The following GPC6 variants were observed in gnomAD, a reference collection of about 807,000 sequenced individuals.
The protein encoded by GPC6 is glypican 6, also known as glypican-6.
Under a neutral mutation model 55.2 loss-of-function variants are expected in GPC6, and 14 were observed. The observed-to-expected ratio is 0.25, with a 90% CI of 0.17 to 0.40. The LOEUF is 0.40. GPC6 is among the 10% of genes least tolerant of loss of function. The pLI is 1.00. For missense variants in GPC6, 641 were observed against 708.5 expected, an observed-to-expected ratio of 0.90 and a Z score of 1.08; for synonymous variants, 278 against 259.6, an observed-to-expected ratio of 1.07 and a Z score of -0.68.
At chr13:93,786,752 G>A (rs931368037) in intron 2 of GPC6, among the ~76,000 whole-genome samples, 1 of 135,526 alleles carries the variant, frequency 7.4e-6, no homozygotes, top group African/African-American at 3.0e-5. Context: ...GAGTATATTT[G>A]AACAAAAAAT....
At chr13:94,045,745 C>CAA (rs541767325) in intron 4 of GPC6, among the ~76,000 whole-genome samples, 110 of 116,196 alleles carry the variant, frequency 9.5e-4, no homozygotes, top group Admixed American at 1.6e-3. Flanking sequence ...CATGGATTTT[C>CAA]AAAAAAAAAA....
At chr13:93,262,831 T>C (rs1877196656) in intron 1 of GPC6, among the ~76,000 whole-genome samples, 1 of 152,100 alleles carries the variant, frequency 6.6e-6, no homozygotes, top group Non-Finnish European at 1.5e-5. Context: ...CCAGCTGATG[T>C]CCAGGCTCTT....
chr13:93,948,749 A>C (rs550158392), intron 3 of GPC6, among the ~76,000 whole-genome samples: 1 of 152,306 alleles, frequency 6.6e-6, no homozygotes, highest in Non-Finnish European at 1.5e-5. Context: ...ATAAACACTA[A>C]AATTATATTT....
At chr13:93,808,180 G>A (rs1208236238) in intron 2 of GPC6, among the ~76,000 whole-genome samples, 1 of 151,106 alleles carries the variant, frequency 6.6e-6, no homozygotes, top group East Asian at 2.0e-4. Context: ...AGATTAATGG[G>A]ATAGTTATTA....
intron 1 of GPC6, among the ~76,000 whole-genome samples, chr13:93,304,224 G>A (rs1466220631): frequency 6.6e-6 from 1 of 152,144 alleles, no homozygotes; most frequent in East Asian, 1.9e-4. Flanking sequence ...AAGGGGAGGT[G>A]TTTGTTGGGA....
intron 2 of GPC6, among the ~76,000 whole-genome samples, chr13:93,671,062 G>A (rs190852043): frequency 6.6e-6 from 1 of 152,078 alleles, no homozygotes. Flanking sequence ...GTCTCTCAAT[G>A]GTTTCTCATT....
intron 2 of GPC6, among the ~76,000 whole-genome samples, chr13:93,620,543 G>T (rs1378517145): frequency 1.3e-5 from 2 of 152,142 alleles, no homozygotes; most frequent in Non-Finnish European, 2.9e-5. Flanking sequence ...TTTAAATAAA[G>T]TGTGCAAAAT....
intron 3 of GPC6, among the ~76,000 whole-genome samples, chr13:94,027,440 A>G (rs1252798496): frequency 2.6e-5 from 4 of 152,178 alleles, no homozygotes; most frequent in African/African-American, 9.7e-5. Context: ...TTAACTTTGC[A>G]AACTGCTTTC....
chr13:93,564,979 T>TA (rs971487371), intron 2 of GPC6, among the ~76,000 whole-genome samples: 12 of 152,170 alleles, frequency 7.9e-5, no homozygotes, highest in African/African-American at 2.9e-4. Flanking sequence ...CCTTAGATAG[T>TA]AAAAAAGAAA....
At position 93,227,681 on chromosome 13, in the gene GPC6, C is replaced by G; in HGVS notation, c.160+65C>G. The G allele has an allele frequency of 7.6e-7, 1 of 1,309,394 alleles. No individual in the cohort carries two copies. Among genetic ancestry groups the G allele is most frequent in the Non-Finnish European group, 1.1e-6 (1 of 944,910 alleles). The allele number at this position is 1,309,394 out of a possible 1,614,324, so 81.1% of individuals were successfully genotyped here. A position where few individuals can be genotyped will look rare whatever the true frequency, so the allele number is the denominator to read the frequency against. On this transcript the variant is annotated intron_variant, in intron 1 of 8. Transcript: ENST00000377047. The surrounding 1 kb of genome is among the most constrained non-coding windows in gnomAD (Gnocchi z 4.3). ...GGCTGCCGCACGTCCCACTGGCCGC[C>G]CGGCGTCCCCTTCCTTCCCCCTGTT...
chr13:93,903,568 G>C (rs751149629), intron 3 of GPC6, among the ~76,000 whole-genome samples: 1 of 152,034 alleles, frequency 6.6e-6, no homozygotes, highest in Non-Finnish European at 1.5e-5. Flanking sequence ...TAAACTTTAA[G>C]AGCATGAAAG....
intron 5 of GPC6, among the ~76,000 whole-genome samples, chr13:94,290,950 G>GA (rs1458656867): frequency 1.3e-5 from 2 of 152,328 alleles, no homozygotes; most frequent in African/African-American, 4.8e-5. Flanking sequence ...CCTGCACTTT[G>GA]GGAGGCCCAG....
chr13:94,031,065 T>C (rs547870347), intron 4 of GPC6, among the ~76,000 whole-genome samples: 1 of 146,606 alleles, frequency 6.8e-6, no homozygotes, highest in Non-Finnish European at 1.5e-5. Flanking sequence ...TGCGTGTGCA[T>C]GTGCGTGTGC....
At chr13:93,579,166 G>T (rs1205067204) in intron 2 of GPC6, among the ~76,000 whole-genome samples, 2 of 152,012 alleles carry the variant, frequency 1.3e-5, no homozygotes, top group Non-Finnish European at 2.9e-5. Context: ...GAAATAAGAC[G>T]TGGTGTTTGA....
chr13:93,243,818 G>A (rs1258206718), intron 1 of GPC6, among the ~76,000 whole-genome samples: 11 of 152,270 alleles, frequency 7.2e-5, no homozygotes, highest in African/African-American at 2.2e-4. Context: ...TGTGTCAGAA[G>A]ATGTTGTAAT....
chr13:94,176,833 G>C (rs541449824), intron 4 of GPC6, among the ~76,000 whole-genome samples: 9 of 152,244 alleles, frequency 5.9e-5, no homozygotes, highest in Admixed American at 4.6e-4. Flanking sequence ...ATGCTTCTCC[G>C]GGGTGAAAGA....
intron 2 of GPC6, among the ~76,000 whole-genome samples, chr13:93,661,646 C>G (rs1360235352): frequency 6.6e-6 from 1 of 152,164 alleles, no homozygotes; most frequent in Non-Finnish European, 1.5e-5. Flanking sequence ...TAATTTTTCT[C>G]AACTACCCAG....
chr13:93,333,510 G>T (rs995892750), intron 1 of GPC6, among the ~76,000 whole-genome samples: 1 of 149,414 alleles, frequency 6.7e-6, no homozygotes, highest in African/African-American at 2.5e-5. Flanking sequence ...GTTTGCTGTT[G>T]GCATATAAAA....
intron 4 of GPC6, among the ~76,000 whole-genome samples, chr13:94,104,695 A>G (rs1387389596): frequency 2.0e-5 from 3 of 152,140 alleles, no homozygotes; most frequent in African/African-American, 7.2e-5. Context: ...GAGCCAAATC[A>G]TGAGTGAACT....
Sources: allele counts gnomAD v4.1 joint callset (sites outside exome capture counted in the v4.1 genomes callset), GRCh38; gene constraint gnomAD v4.1.1; non-coding constraint Gnocchi (gnomAD v3.1); transcripts MANE v1.5; gene names NCBI Gene and HGNC (gene_info 2026-07-23, HGNC 2026-07-21).